The following NDST3 variants were observed in gnomAD, a reference collection of about 807,000 sequenced individuals.
The protein encoded by NDST3 is bifunctional heparan sulfate N-deacetylase/N-sulfotransferase 3.
In NDST3, 58 loss-of-function variants were observed where a neutral mutation model predicts 96.1. The observed-to-expected ratio is 0.60, with a 90% CI of 0.49 to 0.75. The LOEUF is 0.75. NDST3 is among the 30% of genes least tolerant of loss of function. NDST3 has a pLI of 0.00. For synonymous variants in NDST3, 333 were observed against 359.7 expected (o/e 0.93, Z 0.84); for missense variants, 788 against 1,034.2 (o/e 0.76, Z 3.27).
chr4:118,178,461 C>G (rs1342085567), intron 6 of NDST3, among the ~76,000 whole-genome samples: 1 of 152,034 alleles, frequency 6.6e-6, no homozygotes, highest in African/African-American at 2.4e-5. Flanking sequence ...GCTTATTTCA[C>G]TTAGCATAAT....
chr4:118,208,947 A>G (rs1166800339), intron 6 of NDST3, among the ~76,000 whole-genome samples: 2 of 117,028 alleles, frequency 1.7e-5, no homozygotes, highest in Non-Finnish European at 3.8e-5. Context: ...GAGTGAATTC[A>G]GCCTTATGAG....
intron 6 of NDST3, chr4:118,193,694 T>TG: frequency 1.5e-6 from 2 of 1,310,094 alleles, no homozygotes; most frequent in South Asian, 2.4e-5. Flanking sequence ...CACAGCCAGG[T>TG]GGGCCTCTCC....
At chr4:118,103,249 GAT>G (rs1729905637) in intron 2 of NDST3, among the ~76,000 whole-genome samples, 1 of 152,024 alleles carries the variant, frequency 6.6e-6, no homozygotes, top group Admixed American at 6.6e-5. Flanking sequence ...TGTTCAAATA[GAT>G]TTCGAATCTA....
intron 6 of NDST3, among the ~76,000 whole-genome samples, chr4:118,206,214 C>T (rs1171220370): frequency 6.9e-6 from 1 of 144,304 alleles, no homozygotes. Flanking sequence ...GTGAACTGGG[C>T]AACTACATAA....
intron 2 of NDST3, among the ~76,000 whole-genome samples, chr4:118,068,562 C>T (rs546927720): frequency 6.6e-6 from 1 of 152,090 alleles, no homozygotes; most frequent in African/African-American, 2.4e-5. Context: ...TAAATGTTTG[C>T]TTAAAAATGC....
intron 3 of NDST3, among the ~76,000 whole-genome samples, chr4:118,105,427 C>T (rs796415583): frequency 9.2e-5 from 14 of 152,258 alleles, no homozygotes; most frequent in African/African-American, 3.1e-4. Context: ...AAAGAGAACA[C>T]TTCCAAAATC....
chr4:118,064,865 A>G (rs931265834), intron 2 of NDST3, among the ~76,000 whole-genome samples: 9 of 152,086 alleles, frequency 5.9e-5, no homozygotes, highest in Admixed American at 5.9e-4. Context: ...AGAACCCATC[A>G]CCTTGCTTTT....
At chr4:118,161,149 T>C (rs138735363) in intron 6 of NDST3, among the ~76,000 whole-genome samples, 4,688 of 152,328 alleles carry the variant, frequency 0.031, 262 homozygotes, top group African/African-American at 0.11. Flanking sequence ...AGACCCTGTT[T>C]GCCTGCGTAT....
chr4:118,131,954 T>C (rs1486874533), intron 4 of NDST3, among the ~76,000 whole-genome samples: 5 of 152,116 alleles, frequency 3.3e-5, no homozygotes, highest in African/African-American at 1.2e-4. Flanking sequence ...GGGATTATGA[T>C]GATGCAAACA....
intron 12 of NDST3, among the ~76,000 whole-genome samples, chr4:118,247,362 G>T (rs1444967323): frequency 6.6e-6 from 1 of 152,028 alleles, no homozygotes; most frequent in Non-Finnish European, 1.5e-5. Flanking sequence ...GACCAGCTTG[G>T]CCAACGTGGT....
intron 4 of NDST3, among the ~76,000 whole-genome samples, chr4:118,132,841 T>G (rs1319225718): frequency 1.3e-5 from 2 of 152,106 alleles, no homozygotes; most frequent in Non-Finnish European, 2.9e-5. Context: ...CTAGAGTATG[T>G]CAAGAAATAT....
intron 4 of NDST3, among the ~76,000 whole-genome samples, chr4:118,123,149 G>C (rs188420950): frequency 6.6e-6 from 1 of 152,224 alleles, no homozygotes; most frequent in Admixed American, 6.5e-5. Flanking sequence ...GATTTATGTA[G>C]TTTCTTGTGT....
chr4:118,157,088 A>T (rs1734758552), intron 6 of NDST3, among the ~76,000 whole-genome samples: 1 of 152,138 alleles, frequency 6.6e-6, no homozygotes, highest in Non-Finnish European at 1.5e-5. Flanking sequence ...GAGACTAGTT[A>T]AAAAAATCTG....
chr4:118,251,092 A>T (rs868608921), intron 12 of NDST3, among the ~76,000 whole-genome samples: 12 of 133,812 alleles, frequency 9.0e-5, no homozygotes, highest in East Asian at 2.1e-4. Flanking sequence ...TAAATTTTTT[A>T]TTTATTTATT....
intron 6 of NDST3, among the ~76,000 whole-genome samples, chr4:118,214,024 G>A (rs961398140): frequency 3.2e-4 from 48 of 152,226 alleles, no homozygotes; most frequent in Middle Eastern, 6.8e-3. Flanking sequence ...CAAGAGGAAC[G>A]TATAACAAGT....
intron 6 of NDST3, among the ~76,000 whole-genome samples, chr4:118,202,426 C>T (rs910378244): frequency 4.6e-5 from 7 of 152,088 alleles, no homozygotes; most frequent in Admixed American, 1.3e-4. Flanking sequence ...GCCATTTTTA[C>T]GAAACTGATT....
At chr4:118,247,102 AG>A (rs1741363442) in intron 12 of NDST3, among the ~76,000 whole-genome samples, 1 of 152,152 alleles carries the variant, frequency 6.6e-6, no homozygotes, top group African/African-American at 2.4e-5. Context: ...CATAAAAGCT[AG>A]TAAGGGAATG....
At chr4:118,094,518 T>C in intron 2 of NDST3, among the ~76,000 whole-genome samples, 1 of 151,826 alleles carries the variant, frequency 6.6e-6, no homozygotes, top group South Asian at 2.1e-4. Flanking sequence ...TGATTGTAAA[T>C]GTGCCCCTTG....
At chr4:118,122,278 G>A (rs758745861) in intron 4 of NDST3, among the ~76,000 whole-genome samples, 1 of 152,204 alleles carries the variant, frequency 6.6e-6, no homozygotes, top group South Asian at 2.1e-4. Context: ...TGCTGCTCCC[G>A]AATTTTCACT....
Sources: gnomAD v4.1 joint callset for allele counts (sites outside exome capture counted in the v4.1 genomes callset) on GRCh38, gnomAD v4.1.1 for gene constraint, MANE v1.5 for transcripts, NCBI Gene and HGNC (gene_info 2026-07-23, HGNC 2026-07-21) for gene names.